The following CA5A variants were observed in gnomAD, a reference collection of about 807,000 sequenced individuals.
CA5A encodes the protein carbonic anhydrase 5A.
A neutral mutation model predicts 37.1 loss-of-function variants in CA5A; 28 were observed. The observed-to-expected ratio is 0.75, with a 90% CI of 0.56 to 1.03. The LOEUF is 1.03. Ranked by LOEUF, CA5A falls within the 50% of genes least tolerant of loss-of-function variation. The probability of loss-of-function intolerance (pLI) is 0.00; values close to 1 mark genes in which losing one functional copy is unlikely to be tolerated. For missense variants in CA5A, 444 were observed against 399.9 expected (o/e 1.11, Z -0.94); for synonymous variants, 171 against 158.4 (o/e 1.08, Z -0.60).
At chr16:87,912,533 C>T (rs952386440) in intron 2 of CA5A, among the ~76,000 whole-genome samples, 2 of 152,214 alleles carry the variant, frequency 1.3e-5, no homozygotes, top group Admixed American at 6.5e-5. Context: ...CATCCGAAAA[C>T]ACCCACTGAC....
intron 2 of CA5A, among the ~76,000 whole-genome samples, chr16:87,920,313 G>T (rs1485176888): frequency 6.7e-6 from 1 of 149,950 alleles, no homozygotes; most frequent in Non-Finnish European, 1.5e-5. Context: ...TTGTTTGTTT[G>T]ATTGTTTGTT....
rs373280084 is a variant in CA5A at position 87,891,881 on chromosome 16, G to C, written c.692C>G (p.Ala231Gly). ...CAGCGGCGGGGTGGTGAGCGAGCCC[G>C]CGTAGGTCCAGTAATCCCAGCAGGT... The part of the protein sequence containing the change: ...LPTCWDYWTY[A>G]GSLTTPPLTE... The change falls in exon 6 of 7, where the codon GCG (alanine) becomes GGG (glycine). Residue 231 changes from alanine (A) to glycine (G), a missense_variant. By Grantham distance (60) the Ala-to-Gly change is moderately conservative. Coordinates refer to ENST00000649794, the MANE Select transcript of CA5A (RefSeq NM_001739.2). 6.3e-7 allele frequency: 1 copy of C among 1,574,960 alleles called. No homozygotes were observed. Among genetic ancestry groups the C allele is most frequent in the African/African-American group, 1.4e-5 (1 of 73,106 alleles).
At chr16:87,882,557 T>C (rs2055616779) in intron 4 of CA5A, 1 of 152,206 alleles carries the variant, frequency 6.6e-6, no homozygotes, top group South Asian at 2.1e-4. Flanking sequence ...CGGGAGTTTT[T>C]CCTAAAACAC....
chr16:87,928,537 C>T (rs933412345), intron 1 of CA5A, among the ~76,000 whole-genome samples: 2 of 151,972 alleles, frequency 1.3e-5, no homozygotes, highest in Non-Finnish European at 1.5e-5. Flanking sequence ...TTGTAAGTTG[C>T]CTTTTTTCAT....
chr16:87,934,219 A>G (rs1194364299), intron 1 of CA5A, among the ~76,000 whole-genome samples: 1 of 152,268 alleles, frequency 6.6e-6, no homozygotes, highest in Non-Finnish European at 1.5e-5. Flanking sequence ...CGTAAGCACC[A>G]TTATCAACCC....
chr16:87,923,628 G>A (rs1019409350), intron 2 of CA5A: 47 of 985,288 alleles, frequency 4.8e-5, no homozygotes, highest in Admixed American at 6.1e-5. Flanking sequence ...TCCACCAGCT[G>A]AGGGCTGGGT....
At chr16:87,881,612 G>C (rs1401013046) in exon 5 of CA5A, 1 of 152,214 alleles carries the variant, frequency 6.6e-6, no homozygotes, top group African/African-American at 2.4e-5. Context: ...AGGAAGCCTT[G>C]AACCTTAAAA....
intron 2 of CA5A, among the ~76,000 whole-genome samples, chr16:87,919,544 T>TCTGGGGGAGCACTCAAAGGAAAGCAGAGC (rs2056201991): frequency 2.0e-5 from 3 of 151,690 alleles, no homozygotes; most frequent in African/African-American, 7.3e-5. Flanking sequence ...GAAAGCAGAG[T>TCTGGGGGAGCACTCAAAGGAAAGCAGAGC]CTGGGGGAGC....
chr16:87,895,413 C>T (rs752932638), intron 5 of CA5A, among the ~76,000 whole-genome samples: 58 of 151,932 alleles, frequency 3.8e-4, no homozygotes, highest in Non-Finnish European at 6.8e-4. Context: ...GGCGTGGTGG[C>T]GCATGCCTGT....
chr16:87,920,471 G>C (rs1466359539), intron 2 of CA5A, among the ~76,000 whole-genome samples: 1 of 151,518 alleles, frequency 6.6e-6, no homozygotes, highest in East Asian at 1.9e-4. Flanking sequence ...CACCACGCTC[G>C]GCTAATTTTT....
chr16:87,913,303 G>GTTTTT, intron 2 of CA5A, among the ~76,000 whole-genome samples: 1 of 108,626 alleles, frequency 9.2e-6, no homozygotes, highest in Non-Finnish European at 1.8e-5. Flanking sequence ...GAATGTTCCA[G>GTTTTT]TCTTTTTTTT....
chr16:87,920,209 T>C (rs950763096), intron 2 of CA5A, among the ~76,000 whole-genome samples: 3 of 152,222 alleles, frequency 2.0e-5, no homozygotes, highest in Admixed American at 2.0e-4. Context: ...GCAGCCAAAT[T>C]ACATTTGAGC....
chr16:87,883,783 C>G (rs150372542), downstream of CA5A: 2 of 151,580 alleles, frequency 1.3e-5, no homozygotes, highest in African/African-American at 2.4e-5. Context: ...ATTACAGGTG[C>G]CTGCCACCAC....
chr16:87,895,052 C>G (rs1043087989), intron 5 of CA5A, among the ~76,000 whole-genome samples: 1 of 151,824 alleles, frequency 6.6e-6, no homozygotes, highest in African/African-American at 2.4e-5. Flanking sequence ...GAGTTTGAGA[C>G]CAGCCTAAGC....
intron 2 of CA5A, chr16:87,924,042 G>C: frequency 1.0e-6 from 1 of 985,404 alleles, no homozygotes; most frequent in Non-Finnish European, 1.2e-6. Flanking sequence ...GACCAACAAG[G>C]GGAGAAAAAC....
At chr16:87,898,200 T>G (rs141066011) in intron 5 of CA5A, among the ~76,000 whole-genome samples, 2,097 of 152,326 alleles carry the variant, frequency 0.014, 60 homozygotes, top group African/African-American at 0.048. Flanking sequence ...TACGTGACTC[T>G]GGTCTTTCCT....
chr16:87,921,953 A>C (rs2056236806), intron 2 of CA5A, among the ~76,000 whole-genome samples: 1 of 151,920 alleles, frequency 6.6e-6, no homozygotes, highest in African/African-American at 2.4e-5. Flanking sequence ...CTGCAGCCTC[A>C]ATCTCTTGGG....
At chr16:87,924,742 G>A (rs939057680) in intron 2 of CA5A, among the ~76,000 whole-genome samples, 8 of 152,258 alleles carry the variant, frequency 5.3e-5, no homozygotes, top group Non-Finnish European at 1.0e-4. Context: ...TGCTGCCTCC[G>A]CATGCACAGC....
rs369979926 is a variant in CA5A, at chr16:87,902,024, G to A, written c.556-50C>T. ...TAGCTGCAAAGGCAGTGGATGGGGG[G>A]GGAAGCTCACTCCACTGTAAATACA... On this transcript the variant is annotated intron_variant, in intron 4 of 6. Transcript: ENST00000649794. 2.5e-4 allele frequency: 385 copies of A among 1,513,552 alleles called. 1 individual carries two copies. The highest frequency in any genetic ancestry group is 3.0e-4 in the Non-Finnish European group (327 of 1,089,114). The allele number at this position is 1,513,552 out of a possible 1,614,324, so 93.8% of individuals were successfully genotyped here.
Sources: allele counts gnomAD v4.1 joint callset (sites outside exome capture counted in the v4.1 genomes callset), GRCh38; gene constraint gnomAD v4.1.1; transcripts MANE v1.5; gene names NCBI Gene and HGNC (gene_info 2026-07-23, HGNC 2026-07-21).